The following DNAI3 variants were observed in gnomAD, a reference collection of about 807,000 sequenced individuals.
DNAI3 encodes dynein axonemal intermediate chain 3.
In DNAI3, 83 loss-of-function variants were observed where a neutral mutation model predicts 115.5. That is an observed-to-expected ratio of 0.72 (90% CI 0.60 to 0.86). The LOEUF (loss-of-function observed/expected upper bound fraction) is 0.86, where lower values mean the gene tolerates loss of function less well. Among genes scored for constraint, DNAI3 ranks in the 40% least tolerant of loss-of-function variants. The pLI, the probability that DNAI3 is intolerant of heterozygous loss-of-function variation, is 0.00. For synonymous variants in DNAI3, 320 were observed against 347.0 expected (o/e 0.92, Z 0.86); for missense variants, 1,004 against 1,075.8 (o/e 0.93, Z 0.93).
chr1:85,098,522 T>A lies in DNAI3; in HGVS notation c.1351-8T>A. The stretch of plus-strand genomic sequence containing the variant: ...ATTAGCACTTAACTTTCTTTTAATA[T>A]TTTTCAGCCTATGTTTCTCCTTGAA... On this transcript the variant is annotated splice_region_variant and splice_polypyrimidine_tract_variant and intron_variant, in intron 12 of 22. Transcript: ENST00000294664. 1 of 1,607,482 alleles carries A rather than the reference T, an allele frequency of 6.2e-7. No individual in the cohort carries two copies. Among genetic ancestry groups the A allele is most frequent in the Non-Finnish European group, 8.5e-7 (1 of 1,178,150 alleles).
At chr1:85,080,386 G>A (rs1184138686) in intron 3 of DNAI3, among the ~76,000 whole-genome samples, 1 of 152,150 alleles carries the variant, frequency 6.6e-6, no homozygotes, top group Non-Finnish European at 1.5e-5. Context: ...CATGCTGAGG[G>A]AAAGCAGCAT....
chr1:85,108,312 T>C, intron 15 of DNAI3, 135 bp downstream of exon 15: 1 of 970,110 alleles, frequency 1.0e-6, no homozygotes, highest in Non-Finnish European at 1.4e-6. Context: ...AATTTGTGTT[T>C]ATTCAACCAA....
intron 17 of DNAI3, 100 bp downstream of exon 17, chr1:85,117,959 G>A (rs1655882431): frequency 1.5e-6 from 2 of 1,366,200 alleles, no homozygotes; most frequent in East Asian, 2.6e-5. Context: ...AGACATAAAA[G>A]TTATACCATT....
At chr1:85,073,837 T>C (rs1654365528) in intron 3 of DNAI3, among the ~76,000 whole-genome samples, 1 of 152,118 alleles carries the variant, frequency 6.6e-6, no homozygotes, top group African/African-American at 2.4e-5. Context: ...GCAGAGAGAC[T>C]AGTTAGGAAG....
chr1:85,075,704 G>C (rs1654430900), intron 3 of DNAI3, among the ~76,000 whole-genome samples: 1 of 152,172 alleles, frequency 6.6e-6, no homozygotes, highest in African/African-American at 2.4e-5. Context: ...ATGCCCAGAG[G>C]TTTCTGGAGA....
intron 2 of DNAI3, 119 bp downstream of exon 2, chr1:85,072,124 A>G: frequency 1.0e-6 from 1 of 982,166 alleles, no homozygotes; most frequent in East Asian, 2.6e-5. Flanking sequence ...ACATAAAGTC[A>G]AATGTATGAG....
chr1:85,090,351 T>C, intron 8 of DNAI3, 119 bp downstream of exon 8: 2 of 501,334 alleles, frequency 4.0e-6, no homozygotes, highest in East Asian at 3.4e-5. Context: ...ATGAAGACAG[T>C]TGTCAGTGTG....
chr1:85,110,226 C>A, intron 16 of DNAI3, 91 bp downstream of exon 16: 10 of 1,121,548 alleles, frequency 8.9e-6, no homozygotes, highest in African/African-American at 1.6e-5. Flanking sequence ...CTGAGGCGGG[C>A]GGATCACGAG....
rs777780741 is a variant in DNAI3 at position 85,090,134 on chromosome 1, T to C, written c.759T>C (p.Ala253=). Residue 253 remains alanine (A), a synonymous_variant, in exon 8 of 23, where the codon GCT becomes GCC. Transcript: ENST00000294664. Reference sequence around the variant, plus strand: ...ATATTAGGACATATCCTAAAAATGCTACTACGCAATATTATCCAAGAGAAT... The same window carrying C: ...ATATTAGGACATATCCTAAAAATGCCACTACGCAATATTATCCAAGAGAAT... ...TQTKWTYPKN[A]TTQYYPREFS... 3.8e-6 allele frequency: 6 copies of C among 1,564,996 alleles called. No homozygotes were observed. Among genetic ancestry groups the C allele is most frequent in the South Asian group, 3.8e-5 (3 of 78,420 alleles).
chr1:85,095,741 G>A (rs923588140), intron 10 of DNAI3, among the ~76,000 whole-genome samples, 190 bp from the exon 11 acceptor site: 1 of 152,144 alleles, frequency 6.6e-6, no homozygotes, highest in African/African-American at 2.4e-5. Flanking sequence ...CACTCGTATG[G>A]CCAATGTGCA....
chr1:85,121,704 T>C, intron 17 of DNAI3, 47 bp from the exon 18 acceptor site: 1 of 1,552,002 alleles, frequency 6.4e-7, no homozygotes, highest in African/African-American at 1.4e-5. Context: ...AAGTCTTTTG[T>C]CTCTTAAGTT....
intron 14 of DNAI3, among the ~76,000 whole-genome samples, chr1:85,107,411 C>A (rs946242669): frequency 1.3e-5 from 2 of 152,080 alleles, no homozygotes; most frequent in Non-Finnish European, 2.9e-5. Context: ...TAAGGAGTAA[C>A]GAAGTCCTGA....
intron 2 of DNAI3, among the ~76,000 whole-genome samples, chr1:85,072,470 C>T (rs1259726616): frequency 4.6e-5 from 7 of 151,078 alleles, no homozygotes; most frequent in South Asian, 2.1e-4. Flanking sequence ...GGTGAAACCC[C>T]GTCTCTACTA....
chr1:85,109,779 A>AT (rs951520295), intron 15 of DNAI3, among the ~76,000 whole-genome samples: 4 of 152,144 alleles, frequency 2.6e-5, no homozygotes, highest in African/African-American at 9.7e-5. Flanking sequence ...AATACAAGGC[A>AT]TTTTTCAGAA....
intron 3 of DNAI3, among the ~76,000 whole-genome samples, chr1:85,074,276 G>A (rs978897887): frequency 3.3e-5 from 5 of 152,030 alleles, no homozygotes; most frequent in Non-Finnish European, 7.4e-5. Flanking sequence ...TCCATTTGGC[G>A]CACAGCAGCC....
At chr1:85,065,925 C>A (rs61769365) in intron 1 of DNAI3, among the ~76,000 whole-genome samples, 380 of 152,262 alleles carry the variant, frequency 2.5e-3, no homozygotes, top group Non-Finnish European at 4.1e-3. Flanking sequence ...GGAAGCAGAT[C>A]GTAGACAGCT....
Position 85,073,040 on chromosome 1 carries a change from TTATTA to T in DNAI3, c.65-9_65-5del. 1 of 1,500,716 alleles carries T rather than the reference TTATTA, an allele frequency of 6.7e-7. No homozygotes were observed. The highest frequency in any genetic ancestry group is 9.0e-7 in the Non-Finnish European group (1 of 1,115,916). The allele number at this position is 1,500,716 out of a possible 1,614,324, so 93.0% of individuals were successfully genotyped here. On this transcript the variant is annotated splice_polypyrimidine_tract_variant and intron_variant, in intron 2 of 22. Coordinates refer to ENST00000294664, the MANE Select transcript of DNAI3 (RefSeq NM_145172.5). ...TCAAAAATGTAAATTTGACTTCCTT[TTATTA>T]TATTCTAGCTAGTGAAGACATGGAA...
chr1:85,094,138 T>C, intron 9 of DNAI3: 1 of 428,004 alleles, frequency 2.3e-6, no homozygotes, highest in Admixed American at 3.5e-5. Flanking sequence ...ACACTGGCCC[T>C]TTTCTCACAA....
intron 1 of DNAI3, among the ~76,000 whole-genome samples, chr1:85,068,050 A>G (rs1654151099): frequency 6.6e-6 from 1 of 152,224 alleles, no homozygotes; most frequent in Non-Finnish European, 1.5e-5. Flanking sequence ...CATTAGGTAG[A>G]AGCCTTTTGT....
Sources: allele counts gnomAD v4.1 joint callset (sites outside exome capture counted in the v4.1 genomes callset), GRCh38; gene constraint gnomAD v4.1.1; transcripts MANE v1.5; gene names NCBI Gene and HGNC (gene_info 2026-07-23, HGNC 2026-07-21).